STK24: variants seen among roughly 807,000 people sequenced by gnomAD.
The protein encoded by STK24 is serine/threonine-protein kinase 24.
Under a neutral mutation model 55.6 loss-of-function variants are expected in STK24, and 21 were observed. The ratio of observed to expected loss-of-function variants is 0.38; its 90% CI spans 0.27 to 0.54. STK24 has a LOEUF of 0.54. Among genes scored for constraint, STK24 ranks in the 20% least tolerant of loss-of-function variants. The pLI, the probability that STK24 is intolerant of heterozygous loss-of-function variation, is 0.79. For synonymous variants in STK24, 200 were observed against 215.2 expected (o/e 0.93, Z 0.62); for missense variants, 383 against 538.4 (o/e 0.71, Z 2.86).
chr13:98,474,728 G>A (rs1432879904), intron 5 of STK24, 93 bp downstream of exon 5: 17 of 1,481,520 alleles, frequency 1.1e-5, no homozygotes, highest in South Asian at 1.4e-5. Flanking sequence ...TACCAGCTTC[G>A]TTCCAACTTA....
At chr13:98,506,204 T>C (rs1233453176) in intron 2 of STK24, among the ~76,000 whole-genome samples, 2 of 152,060 alleles carry the variant, frequency 1.3e-5, no homozygotes, top group Non-Finnish European at 2.9e-5. Flanking sequence ...AACACATCAG[T>C]CAATTCTCTA....
rs1296542394 is a variant in STK24, at chr13:98,446,711, A to T, written c.*6462T>A. 3 of 1,614,122 alleles carry T rather than the reference A, an allele frequency of 1.9e-6. No individual in the cohort carries two copies. In the East Asian group the frequency reaches 6.7e-5, roughly 36 times the overall value. ...CCTGCCTCTGCTCGGCTACTCGCTC[A>T]CCATCCCCTCTGAGTCCGAGAACAT... On this transcript the variant is annotated 3_prime_UTR_variant, in exon 11 of 11. Coordinates refer to ENST00000539966, the MANE Select transcript of STK24 (RefSeq NM_001032296.4).
At chr13:98,521,165 A>T (rs1896247575) in intron 1 of STK24, among the ~76,000 whole-genome samples, 1 of 152,206 alleles carries the variant, frequency 6.6e-6, no homozygotes, top group African/African-American at 2.4e-5. Context: ...CTTGGCTCCT[A>T]AAACGCTACA....
chr13:98,561,249 G>C (rs1897411069), intron 1 of STK24, among the ~76,000 whole-genome samples: 1 of 152,216 alleles, frequency 6.6e-6, no homozygotes, highest in Non-Finnish European at 1.5e-5. Flanking sequence ...CCAGGGATGA[G>C]AGGAGGAGAG....
intron 1 of STK24, among the ~76,000 whole-genome samples, chr13:98,575,222 TCAG>T (rs1897850742): frequency 6.6e-6 from 1 of 152,156 alleles, no homozygotes; most frequent in Non-Finnish European, 1.5e-5. Flanking sequence ...TACCCAGCAG[TCAG>T]CAGAAGTTTA....
At chr13:98,514,410 G>C (rs971967526) in intron 2 of STK24, among the ~76,000 whole-genome samples, 15 of 152,224 alleles carry the variant, frequency 9.9e-5, no homozygotes, top group African/African-American at 3.6e-4. Flanking sequence ...AGATGACTGT[G>C]AAGTGAGATT....
At chr13:98,455,703 C>G (rs958042800) in intron 10 of STK24, 1 of 152,224 alleles carries the variant, frequency 6.6e-6, no homozygotes, top group African/African-American at 2.4e-5. Flanking sequence ...CACTCTGTGC[C>G]CTGGAGCTGC....
chr13:98,457,065 C>A (rs2031237), intron 10 of STK24, 103 bp downstream of exon 10: 386,811 of 1,398,436 alleles, frequency 0.28, 54,866 homozygotes, highest in Non-Finnish European at 0.29. Flanking sequence ...TGCAAGATAA[C>A]AGGAACAGAC....
chr13:98,500,876 C>T (rs1895430383), intron 2 of STK24, among the ~76,000 whole-genome samples: 1 of 152,066 alleles, frequency 6.6e-6, no homozygotes, highest in Non-Finnish European at 1.5e-5. Flanking sequence ...GATGCTCACA[C>T]TTTTTAATGA....
At position 98,575,385 on chromosome 13, in the gene STK24, C is replaced by CAT. The variant is rs559657825; in HGVS notation, c.42+1358_42+1359dup. Among the ~76,000 whole-genome samples, 305 of 148,924 alleles carry CAT rather than the reference C, an allele frequency of 2.0e-3. 11 individuals carry two copies. The highest frequency in any genetic ancestry group is 0.019 in the Admixed American group (279 of 14,610). On this transcript the variant is annotated intron_variant, in intron 1 of 10. Coordinates refer to ENST00000539966, the MANE Select transcript of STK24 (RefSeq NM_001032296.4). ...TTTACTGCTTAAACATATATACACACATATATATACTGCTTATATATACAC... is the reference window on the plus strand; with the variant it reads ...TTTACTGCTTAAACATATATACACACATATATATATACTGCTTATATATACAC...
chr13:98,555,615 C>T (rs994211204), intron 1 of STK24, among the ~76,000 whole-genome samples: 1 of 151,502 alleles, frequency 6.6e-6, no homozygotes, highest in South Asian at 2.1e-4. Flanking sequence ...AAACCTCACT[C>T]TCAACAGAAA....
chr13:98,446,121 G>A lies in STK24; in HGVS notation c.*7052C>T. 6.2e-7 allele frequency: 1 copy of A among 1,613,892 alleles called. No individual in the cohort carries two copies. Among genetic ancestry groups the A allele is most frequent in the Non-Finnish European group, 8.5e-7 (1 of 1,179,866 alleles). On this transcript the variant is annotated 3_prime_UTR_variant, in exon 11 of 11. Transcript: ENST00000539966. ...AGAATCAGTTGTCTGGAAACCTGCT[G>A]AGGAAATTCAAAAACAGCAACGGGT...
intron 1 of STK24, among the ~76,000 whole-genome samples, chr13:98,555,173 C>T (rs1897255520): frequency 6.6e-6 from 1 of 152,210 alleles, no homozygotes; most frequent in African/African-American, 2.4e-5. Context: ...ATGACCTGCT[C>T]TTTACAGAGT....
chr13:98,571,598 A>G (rs1897741300), intron 1 of STK24, among the ~76,000 whole-genome samples: 2 of 152,120 alleles, frequency 1.3e-5, no homozygotes, highest in Admixed American at 1.3e-4. Context: ...AATTCTTACC[A>G]TTGTTACATT....
chr13:98,472,365 T>C (rs1894184943), intron 5 of STK24, among the ~76,000 whole-genome samples: 1 of 152,206 alleles, frequency 6.6e-6, no homozygotes, highest in African/African-American at 2.4e-5. Flanking sequence ...AGGGAGGACT[T>C]GCCCTTCAAG....
intron 5 of STK24, among the ~76,000 whole-genome samples, chr13:98,469,443 G>C (rs1353999083): frequency 6.6e-6 from 1 of 152,114 alleles, no homozygotes; most frequent in East Asian, 1.9e-4. Context: ...CAGCTACTTG[G>C]GAGGCTGAGG....
intron 1 of STK24, among the ~76,000 whole-genome samples, chr13:98,547,192 G>A (rs1332381164): frequency 6.6e-6 from 1 of 152,260 alleles, no homozygotes; most frequent in Admixed American, 6.5e-5. Flanking sequence ...GATTACAGGC[G>A]TGAGCCACCG....
Position 98,457,282 on chromosome 13 carries a change from C to T in STK24, c.1145G>A (p.Cys382Tyr), listed in dbSNP as rs1283432288. 13 of 1,614,084 alleles carry T rather than the reference C, an allele frequency of 8.1e-6. No individual in the cohort carries two copies. The highest frequency in any genetic ancestry group is 1.1e-5 in the Non-Finnish European group (13 of 1,180,048). Residue 382 changes from cysteine (C) to tyrosine (Y), a missense_variant, in exon 10 of 11, where the codon TGC becomes TAC. Cys to Tyr is a radical substitution (Grantham distance 194). Transcript: ENST00000539966. ...TTCAATGGACCCCAAGTTCCCTCCGCACGCCTGGCTCTTCTCCTTCAACTG... is the reference window on the plus strand; with the variant it reads ...TTCAATGGACCCCAAGTTCCCTCCGTACGCCTGGCTCTTCTCCTTCAACTG... ...FAELKEKSQACGGNLGSIEEL... is the reference protein window; with the variant it reads ...FAELKEKSQAYGGNLGSIEEL...
chr13:98,496,986 A>C (rs1895273788), intron 2 of STK24, among the ~76,000 whole-genome samples: 1 of 152,226 alleles, frequency 6.6e-6, no homozygotes, highest in Non-Finnish European at 1.5e-5. Context: ...AAGTTTTAAC[A>C]TGCTGAGATT....
Sources: gnomAD v4.1 joint callset for allele counts (sites outside exome capture counted in the v4.1 genomes callset) on GRCh38, gnomAD v4.1.1 for gene constraint, MANE v1.5 for transcripts, NCBI Gene and HGNC (gene_info 2026-07-23, HGNC 2026-07-21) for gene names.